The following HTR3B variants were observed in gnomAD, a reference collection of about 807,000 sequenced individuals.
The protein encoded by HTR3B is 5-hydroxytryptamine receptor 3B.
Under a neutral mutation model 42.8 loss-of-function variants are expected in HTR3B, and 44 were observed. That is an observed-to-expected ratio of 1.03 (90% CI 0.81 to 1.32). HTR3B has a LOEUF of 1.32. Ranked by LOEUF, HTR3B falls within the 40% of genes most tolerant of loss-of-function variation. The pLI is 0.00. For synonymous variants in HTR3B, 203 were observed against 209.0 expected (o/e 0.97, Z 0.25); for missense variants, 527 against 536.5 (o/e 0.98, Z 0.17).
At chr11:113,933,116 CCG>C (rs1950054564) in intron 6 of HTR3B, 23 bp downstream of exon 6, 1 of 1,603,280 alleles carries the variant, frequency 6.2e-7, no homozygotes, top group Non-Finnish European at 8.5e-7. Flanking sequence ...CTACCTGTCC[CCG>C]TTGCCCGCTT....
At chr11:113,933,795 T>C (rs1177923561) in intron 6 of HTR3B, among the ~76,000 whole-genome samples, 1 of 152,220 alleles carries the variant, frequency 6.6e-6, no homozygotes, top group Non-Finnish European at 1.5e-5. Flanking sequence ...TTTGGCCCCC[T>C]GGGAAACTGT....
In HTR3B at chr11:113,945,933, G is replaced by C. The variant is rs1292365130; in HGVS notation, c.1122G>C (p.Gln374His). The change falls in exon 9 of 9, where the codon CAG (glutamine) becomes CAC (histidine). Residue 374 changes from glutamine to histidine, a missense_variant. Physicochemically the swap from Gln to His is conservative, Grantham distance 24 (BLOSUM62 0). Transcript: ENST00000260191. ...ESSLYGEHLA[Q>H]PGTLKEVWSQ... ...CGCTGTATGGAGAGCACCTGGCCCAGCCAGGAACCCTGAAGGAAGTCTGGT... is the reference window on the plus strand; with the variant it reads ...CGCTGTATGGAGAGCACCTGGCCCACCCAGGAACCCTGAAGGAAGTCTGGT... 4 of 1,614,066 alleles carry C rather than the reference G, an allele frequency of 2.5e-6. No homozygotes were observed. The East Asian group carries it at 8.9e-5, about 36-fold the overall frequency.
chr11:113,943,731 T>G, intron 7 of HTR3B, among the ~76,000 whole-genome samples: 1 of 151,826 alleles, frequency 6.6e-6, no homozygotes, highest in African/African-American at 2.4e-5. Context: ...GAGGATTGCT[T>G]GAGTCTAAAA....
chr11:113,907,013 T>C (rs138209638), intron 1 of HTR3B, among the ~76,000 whole-genome samples: 1 of 152,316 alleles, frequency 6.6e-6, no homozygotes, highest in East Asian at 1.9e-4. Flanking sequence ...GCAAGAATAG[T>C]GCTTTCCATC....
chr11:113,933,484 A>ATT (rs201659847), intron 6 of HTR3B, among the ~76,000 whole-genome samples: 7,970 of 149,050 alleles, frequency 0.053, 264 homozygotes, highest in African/African-American at 0.082. Flanking sequence ...TTATTGTCCT[A>ATT]TTTTTTTTTT....
chr11:113,945,771 C>T (rs1950171866), intron 8 of HTR3B, 131 bp from the exon 9 acceptor site: 5 of 677,148 alleles, frequency 7.4e-6, no homozygotes, highest in Non-Finnish European at 1.3e-5. Flanking sequence ...GAGTACCCAA[C>T]CCAAACACAA....
chr11:113,904,285 G>A (rs1359768201), upstream of HTR3B, among the ~76,000 whole-genome samples: 1 of 152,210 alleles, frequency 6.6e-6, no homozygotes, highest in Non-Finnish European at 1.5e-5. Flanking sequence ...TGAATTGTGA[G>A]CAGTGAAAAT....
Position 113,927,491 on chromosome 11 carries a change from T to C in HTR3B, c.214-3893T>C, listed in dbSNP as rs796247038. Among the ~76,000 whole-genome samples, 106 of 152,304 alleles carry C rather than the reference T, an allele frequency of 7.0e-4. 1 individual carries two copies. The highest frequency in any genetic ancestry group is 2.3e-3 in the African/African-American group (96 of 41,584). ...AAAAGCAACCATCGCTGCTAATTTT[T>C]ACTTTTCTCTGCACATGTTTTCTTA... On this transcript the variant is annotated intron_variant, in intron 2 of 8. Transcript: ENST00000260191.
chr11:113,942,956 T>C lies in HTR3B; in HGVS notation c.697-26T>C, dbSNP rs1292268252. 2.5e-6 allele frequency: 4 copies of C among 1,608,552 alleles called. No individual in the cohort carries two copies. The Admixed American group carries it at 5.0e-5, about 20-fold the overall frequency. ...GAGTCTGTTGGCCTAGATCCTCTTT[T>C]CATCAGACCACTTGTTCCCGGCCAG... On this transcript the variant is annotated intron_variant, in intron 6 of 8. Coordinates refer to ENST00000260191, the MANE Select transcript of HTR3B (RefSeq NM_006028.5).
intron 2 of HTR3B, among the ~76,000 whole-genome samples, chr11:113,915,416 A>G (rs1021363448): frequency 4.6e-5 from 7 of 152,048 alleles, no homozygotes; most frequent in African/African-American, 1.4e-4. Flanking sequence ...TTTTCCCTCT[A>G]GTTTTGGCTT....
chr11:113,944,643 C>T lies in HTR3B; in HGVS notation c.978C>T (p.Phe326=). The change falls in exon 8 of 9, where the codon TTC becomes TTT. Residue 326 remains phenylalanine (F), a synonymous_variant. Coordinates refer to ENST00000260191, the MANE Select transcript of HTR3B (RefSeq NM_006028.5). Reference sequence around the variant, plus strand: ...CTAAGTCCATCGTGTTGGTCAAATTCCTCCATGATGAGCAGCGTGGTGGAC... The same window carrying T: ...CTAAGTCCATCGTGTTGGTCAAATTTCTCCATGATGAGCAGCGTGGTGGAC... ...SLAKSIVLVK[F]LHDEQRGGQE... is the part of the protein sequence containing the mutation. 6.2e-7 allele frequency: 1 copy of T among 1,614,202 alleles called. No homozygotes were observed. The highest frequency in any genetic ancestry group is 8.5e-7 in the Non-Finnish European group (1 of 1,180,030).
At chr11:113,921,784 G>A (rs1291427451) in intron 2 of HTR3B, among the ~76,000 whole-genome samples, 2 of 152,090 alleles carry the variant, frequency 1.3e-5, no homozygotes, top group Non-Finnish European at 2.9e-5. Context: ...AGTAAAATCA[G>A]ATTCTTTATG....
At position 113,947,894 on chromosome 11, in the gene HTR3B, G is replaced by A. The variant is rs1950191581; in HGVS notation, c.*1757G>A. On this transcript the variant is annotated 3_prime_UTR_variant, in exon 9 of 9. Transcript: ENST00000260191. ...CTGGAGACCTGCTGACAGTCTTAACGCTGTCAGTAGAAGACACAAAAGTCC... is the reference window on the plus strand; with the variant it reads ...CTGGAGACCTGCTGACAGTCTTAACACTGTCAGTAGAAGACACAAAAGTCC... 6.6e-6 allele frequency among the ~76,000 whole-genome samples: 1 copy of A among 152,062 alleles called. No individual in the cohort carries two copies. The highest frequency in any genetic ancestry group is 2.4e-5 in the African/African-American group (1 of 41,394).
At chr11:113,926,468 T>TTTCCTTTCCTTTCCTTTCCTTTCC (rs1949973855) in intron 2 of HTR3B, among the ~76,000 whole-genome samples, 25 of 80,332 alleles carry the variant, frequency 3.1e-4, no homozygotes, top group African/African-American at 6.8e-4. Context: ...CTTTCCTTTC[T>TTTCCTTTCCTTTCCTTTCCTTTCC]TTTCCTTTCC....
chr11:113,905,516 G>A (rs1565554595), intron 1 of HTR3B, among the ~76,000 whole-genome samples: 1 of 152,126 alleles, frequency 6.6e-6, no homozygotes, highest in African/African-American at 2.4e-5. Flanking sequence ...TATCTCTAAA[G>A]ACAGGTACTA....
At chr11:113,911,612 C>T (rs571758443) in intron 2 of HTR3B, among the ~76,000 whole-genome samples, 12 of 149,866 alleles carry the variant, frequency 8.0e-5, no homozygotes, top group Non-Finnish European at 1.3e-4. Flanking sequence ...CTGCAACCTC[C>T]GCCTCCCGGG....
At position 113,944,732 on chromosome 11, in the gene HTR3B, G is replaced by A. The variant is rs757486709; in HGVS notation, c.1067G>A (p.Arg356Lys). The change falls in exon 8 of 9, where the codon AGG becomes AAG. Residue 356 changes from arginine (R) to lysine (K), a missense_variant. Physicochemically the swap from Arg to Lys is conservative, Grantham distance 26. Coordinates refer to ENST00000260191, the MANE Select transcript of HTR3B (RefSeq NM_006028.5). ...TDADRPRVEPRAQRAVVTESS... is the reference protein window; with the variant it reads ...TDADRPRVEPKAQRAVVTESS... ...GCTGACAGGCCTAGAGTGGAACCCAGGGCCCAACGTGCTGTGGTAACAGGT... is the reference window on the plus strand; with the variant it reads ...GCTGACAGGCCTAGAGTGGAACCCAAGGCCCAACGTGCTGTGGTAACAGGT... 6.2e-7 allele frequency: 1 copy of A among 1,614,128 alleles called. No individual in the cohort carries two copies.
chr11:113,902,230 A>AC (rs1949701325), upstream of HTR3B, among the ~76,000 whole-genome samples: 1 of 151,894 alleles, frequency 6.6e-6, no homozygotes, highest in Admixed American at 6.6e-5. Flanking sequence ...ATTCCCCTAG[A>AC]CCCCCACAAT....
At chr11:113,902,200 T>C (rs185333410), upstream of HTR3B, among the ~76,000 whole-genome samples, 7 of 152,356 alleles carry the variant, frequency 4.6e-5, no homozygotes, top group Admixed American at 4.6e-4. Context: ...TATAGCAGAA[T>C]TGGATGGATA....
Sources: allele counts gnomAD v4.1 joint callset (sites outside exome capture counted in the v4.1 genomes callset), GRCh38; gene constraint gnomAD v4.1.1; transcripts MANE v1.5; gene names NCBI Gene and HGNC (gene_info 2026-07-23, HGNC 2026-07-21).